Variants in CALN1 observed in about 807,000 individuals in gnomAD.
The protein encoded by CALN1 is calneuron 1, also known as calcium-binding protein 8.
Under a neutral mutation model 30.6 loss-of-function variants are expected in CALN1, and 17 were observed. The ratio of observed to expected loss-of-function variants is 0.56; its 90% confidence interval spans 0.38 to 0.83. The LOEUF (loss-of-function observed/expected upper bound fraction) is 0.83, where lower values mean the gene tolerates loss of function less well. CALN1 is among the 40% of genes least tolerant of loss of function. CALN1 has a pLI of 0.00. For synonymous variants in CALN1, 156 were observed against 131.4 expected (o/e 1.19, Z -1.28); for missense variants, 291 against 354.9 (o/e 0.82, Z 1.45).
chr7:72,121,784 A>G (rs1260058410), intron 3 of CALN1, among the ~76,000 whole-genome samples: 1 of 146,912 alleles, frequency 6.8e-6, no homozygotes, highest in Non-Finnish European at 1.5e-5. Flanking sequence ...ATAAATAAGC[A>G]TATTATAATA....
intron 2 of CALN1, among the ~76,000 whole-genome samples, chr7:72,301,999 G>A (rs780100472): frequency 2.0e-5 from 3 of 151,792 alleles, no homozygotes; most frequent in Non-Finnish European, 4.4e-5. Flanking sequence ...GACCTTGGAA[G>A]AATTTTAATG....
intron 3 of CALN1, among the ~76,000 whole-genome samples, chr7:72,179,446 C>T (rs1266370281): frequency 6.6e-6 from 1 of 152,130 alleles, no homozygotes; most frequent in Non-Finnish European, 1.5e-5. Flanking sequence ...ATGTCTGCAT[C>T]GGAGTTTCCA....
chr7:71,926,641 A>C (rs1037264270), intron 5 of CALN1, among the ~76,000 whole-genome samples: 2 of 152,102 alleles, frequency 1.3e-5, no homozygotes, highest in Non-Finnish European at 2.9e-5. Context: ...ATTTCAGACT[A>C]TCTGATATTA....
chr7:72,094,999 G>A (rs1374455621), intron 4 of CALN1, among the ~76,000 whole-genome samples: 2 of 152,108 alleles, frequency 1.3e-5, no homozygotes, highest in Non-Finnish European at 2.9e-5. Context: ...TGACTCAGGG[G>A]CGTGTGTGTG....
At chr7:72,336,693 G>A (rs974326879) in intron 2 of CALN1, 14 of 985,380 alleles carry the variant, frequency 1.4e-5, no homozygotes, top group East Asian at 1.1e-4. Context: ...GGAGCCGGCG[G>A]CGGCACTCAC....
At chr7:72,235,052 TC>T (rs1488752090) in intron 3 of CALN1, among the ~76,000 whole-genome samples, 1 of 152,082 alleles carries the variant, frequency 6.6e-6, no homozygotes, top group Non-Finnish European at 1.5e-5. Flanking sequence ...GAGAATCACT[TC>T]TGGAAGTTCA....
At chr7:71,893,455 G>A (rs1334996252) in intron 5 of CALN1, among the ~76,000 whole-genome samples, 1 of 152,146 alleles carries the variant, frequency 6.6e-6, no homozygotes, top group Non-Finnish European at 1.5e-5. Context: ...GGGGGGCCGA[G>A]GCAAGGTGAG....
chr7:71,837,947 T>C (rs1789717972), intron 5 of CALN1, among the ~76,000 whole-genome samples: 1 of 152,110 alleles, frequency 6.6e-6, no homozygotes, highest in East Asian at 1.9e-4. Flanking sequence ...GTGGGAGAAG[T>C]ACTAATTTTA....
chr7:72,427,283 T>G (rs927018673), intron 1 of CALN1, among the ~76,000 whole-genome samples: 5 of 152,032 alleles, frequency 3.3e-5, no homozygotes, highest in Non-Finnish European at 5.9e-5. Context: ...GCCACTACCC[T>G]GCCCTTTGAG....
intron 4 of CALN1, among the ~76,000 whole-genome samples, chr7:72,033,896 T>C (rs954812921): frequency 2.6e-5 from 4 of 151,780 alleles, no homozygotes; most frequent in African/African-American, 4.8e-5. Flanking sequence ...GTTAAGACAA[T>C]AGGGAAGGCA....
At chr7:71,794,179 G>C (rs1198045480) in intron 6 of CALN1, among the ~76,000 whole-genome samples, 1 of 152,168 alleles carries the variant, frequency 6.6e-6, no homozygotes, top group Non-Finnish European at 1.5e-5. Context: ...AAATGGCAGA[G>C]GTGGGATTTG....
chr7:72,498,186 A>T, the CALN1 span, among the ~76,000 whole-genome samples: 7 of 152,186 alleles, frequency 4.6e-5, no homozygotes, highest in Non-Finnish European at 8.8e-5. Context: ...GTAATACCAA[A>T]TAGATCCATA....
At chr7:72,330,466 CAAAA>C (rs34819395) in intron 2 of CALN1, among the ~76,000 whole-genome samples, 2 of 113,048 alleles carry the variant, frequency 1.8e-5, no homozygotes, top group Non-Finnish European at 1.8e-5. Context: ...AGACTGTCTC[CAAAA>C]AAAAAAAAAA....
chr7:72,292,044 CACAA>C (rs1276644147), intron 2 of CALN1, among the ~76,000 whole-genome samples: 38 of 149,914 alleles, frequency 2.5e-4, no homozygotes, highest in African/African-American at 7.7e-4. Context: ...TTTGGGGAAA[CACAA>C]ACATTTAGTC....
intron 2 of CALN1, chr7:72,336,920 C>G: frequency 1.0e-6 from 1 of 984,324 alleles, no homozygotes; most frequent in Non-Finnish European, 1.2e-6. Flanking sequence ...CCGCTCCCCA[C>G]GCGCGCGCCG....
chr7:72,499,628 AG>A, the CALN1 span, among the ~76,000 whole-genome samples: 1 of 152,164 alleles, frequency 6.6e-6, no homozygotes, highest in Non-Finnish European at 1.5e-5. Context: ...CCTTGGAAAA[AG>A]GAAAAATACT....
intron 4 of CALN1, among the ~76,000 whole-genome samples, chr7:72,083,520 G>A (rs1805288783): frequency 6.6e-6 from 1 of 152,020 alleles, no homozygotes; most frequent in Admixed American, 6.6e-5. Flanking sequence ...GGAGCTTGAG[G>A]CTGCATCGAG....
the CALN1 span, among the ~76,000 whole-genome samples, chr7:72,480,999 C>T: frequency 2.6e-5 from 4 of 152,124 alleles, no homozygotes; most frequent in Non-Finnish European, 5.9e-5. Flanking sequence ...GTTGCCCAGG[C>T]TGGAGTACAA....
At position 72,317,859 on chromosome 7, in the gene CALN1, C is replaced by G. The variant is rs185550720; in HGVS notation, c.120-39049G>C. Among the ~76,000 whole-genome samples, 43 of 152,104 alleles carry G rather than the reference C, an allele frequency of 2.8e-4. 1 individual carries two copies. The highest frequency in any genetic ancestry group is 9.4e-4 in the African/African-American group (39 of 41,484). ...ACACCGGGAATCCAAAGAATGTCCT[C>G]GCAACAGATGAAAAAGTAAGGACAT... On this transcript the variant is annotated intron_variant, in intron 2 of 6. Coordinates refer to ENST00000395275, the MANE Select transcript of CALN1 (RefSeq NM_031468.4).
Sources: gnomAD v4.1 joint callset for allele counts (sites outside exome capture counted in the v4.1 genomes callset) on GRCh38, gnomAD v4.1.1 for gene constraint, MANE v1.5 for transcripts, NCBI Gene and HGNC (gene_info 2026-07-23, HGNC 2026-07-21) for gene names.